ZDHHC21: variants seen among roughly 807,000 people sequenced by gnomAD.
ZDHHC21 encodes the protein palmitoyltransferase ZDHHC21.
ZDHHC21 carries 15 observed loss-of-function variants against 34.6 expected under a neutral mutation model. The observed-to-expected ratio is 0.43, with a 90% CI of 0.29 to 0.67. ZDHHC21 has a LOEUF of 0.67. Among genes scored for constraint, ZDHHC21 ranks in the 30% least tolerant of loss-of-function variants. The pLI, the probability that ZDHHC21 is intolerant of heterozygous loss-of-function variation, is 0.14. For synonymous variants in ZDHHC21, 142 were observed against 101.8 expected (o/e 1.40, Z -2.38); for missense variants, 344 against 327.7 (o/e 1.05, Z -0.38).
At chr9:14,661,955 C>T (rs1162493733) in intron 6 of ZDHHC21, among the ~76,000 whole-genome samples, 3 of 152,146 alleles carry the variant, frequency 2.0e-5, no homozygotes, top group African/African-American at 4.8e-5. Context: ...AATACAACCA[C>T]CTTAATCCTT....
At chr9:14,626,329 T>C (rs1387979567) in intron 8 of ZDHHC21, among the ~76,000 whole-genome samples, 1 of 151,924 alleles carries the variant, frequency 6.6e-6, no homozygotes, top group Non-Finnish European at 1.5e-5. Flanking sequence ...TTTGTGTGGA[T>C]TCAGATCATG....
chr9:14,691,654 C>T (rs1309609227), intron 1 of ZDHHC21, among the ~76,000 whole-genome samples: 2 of 152,138 alleles, frequency 1.3e-5, no homozygotes, highest in Admixed American at 1.3e-4. Flanking sequence ...CTTTAAATGA[C>T]GCTCTATTTC....
chr9:14,668,763 A>G (rs1834942753), intron 5 of ZDHHC21, among the ~76,000 whole-genome samples: 2 of 132,702 alleles, frequency 1.5e-5, no homozygotes, highest in South Asian at 3.0e-4. Context: ...AGGATTCCCT[A>G]TTTAATAAAT....
At chr9:14,640,916 C>T (rs1587034036) in intron 7 of ZDHHC21, among the ~76,000 whole-genome samples, 1 of 152,024 alleles carries the variant, frequency 6.6e-6, no homozygotes, top group Non-Finnish European at 1.5e-5. Flanking sequence ...TACCAACCAA[C>T]CAGACCAGAG....
intron 3 of ZDHHC21, among the ~76,000 whole-genome samples, chr9:14,675,867 A>G (rs952599357): frequency 6.6e-6 from 1 of 151,988 alleles, no homozygotes; most frequent in Non-Finnish European, 1.5e-5. Context: ...AAGTTATCTA[A>G]GCAATGAAAA....
chr9:14,677,960 T>C (rs941448242), intron 3 of ZDHHC21, among the ~76,000 whole-genome samples: 13 of 152,114 alleles, frequency 8.5e-5, no homozygotes, highest in Non-Finnish European at 1.8e-4. Context: ...CCAAGAAATC[T>C]ATCCGAACAC....
At chr9:14,639,487 A>G (rs1828928652) in intron 8 of ZDHHC21, among the ~76,000 whole-genome samples, 2 of 152,068 alleles carry the variant, frequency 1.3e-5, no homozygotes, top group South Asian at 4.1e-4. Flanking sequence ...TTTTAAAGTA[A>G]CTAGCACAGA....
chr9:14,638,277 G>T (rs918279746), intron 8 of ZDHHC21, among the ~76,000 whole-genome samples: 1 of 151,830 alleles, frequency 6.6e-6, no homozygotes, highest in Non-Finnish European at 1.5e-5. Flanking sequence ...AACATACATT[G>T]GGGGAAAAAA....
At chr9:14,664,067 C>T (rs1213140666) in intron 5 of ZDHHC21, among the ~76,000 whole-genome samples, 1 of 152,056 alleles carries the variant, frequency 6.6e-6, no homozygotes, top group Non-Finnish European at 1.5e-5. Flanking sequence ...ACGCAGAAGA[C>T]GGGTGATTTC....
the ZDHHC21 span, among the ~76,000 whole-genome samples, chr9:14,592,107 A>G: frequency 2.0e-5 from 3 of 151,924 alleles, no homozygotes; most frequent in Non-Finnish European, 2.9e-5. Context: ...TGTGTCTTAT[A>G]TATTTTTTTC....
intron 8 of ZDHHC21, 88 bp from the exon 9 acceptor site, chr9:14,619,770 C>A: frequency 1.3e-6 from 1 of 754,156 alleles, no homozygotes; most frequent in South Asian, 2.5e-5. Flanking sequence ...TAATCTTATT[C>A]CAAAAATATT....
intron 9 of ZDHHC21, 52 bp from the exon 10 acceptor site, chr9:14,619,150 A>T (rs1824802160): frequency 6.5e-7 from 1 of 1,547,976 alleles, no homozygotes; most frequent in Non-Finnish European, 8.7e-7. Flanking sequence ...GGTGCACTTC[A>T]GTCAGCTAAA....
At chr9:14,600,866 T>C in the ZDHHC21 span, among the ~76,000 whole-genome samples, 7 of 152,304 alleles carry the variant, frequency 4.6e-5, no homozygotes, top group African/African-American at 1.7e-4. Context: ...AACCATCTGT[T>C]CTTTGACAAA....
chr9:14,650,986 AAAG>A lies in ZDHHC21; in HGVS notation c.504+7760_504+7762del, dbSNP rs1479700107. ...AATTATCAGAATCCACTTCATCTAA[AAAG>A]AAGCTAAAGGACATAATTTTAGAAT... is the stretch of plus-strand genomic sequence containing the variant. On this transcript the variant is annotated intron_variant, in intron 7 of 9. Transcript: ENST00000380916. Among the ~76,000 whole-genome samples the A allele has an allele frequency of 2.0e-5, 3 of 152,080 alleles. No individual in the cohort carries two copies. In the East Asian group the frequency reaches 5.8e-4, roughly 29 times the overall value.
intron 2 of ZDHHC21, among the ~76,000 whole-genome samples, chr9:14,683,381 C>A (rs917760395): frequency 6.6e-6 from 1 of 151,934 alleles, no homozygotes. Context: ...ACCACCAATC[C>A]CACAGAAATA....
chr9:14,590,803 G>C, the ZDHHC21 span, among the ~76,000 whole-genome samples: 1 of 152,038 alleles, frequency 6.6e-6, no homozygotes, highest in Non-Finnish European at 1.5e-5. Flanking sequence ...ATCTACAAAA[G>C]GAACGAAGAG....
chr9:14,690,927 G>A (rs1024549797), intron 1 of ZDHHC21, among the ~76,000 whole-genome samples: 7 of 152,086 alleles, frequency 4.6e-5, no homozygotes, highest in Admixed American at 3.9e-4. Context: ...TAATGCATGT[G>A]AAAAGTTGAA....
intron 5 of ZDHHC21, among the ~76,000 whole-genome samples, chr9:14,663,446 G>A (rs1056105362): frequency 1.4e-5 from 2 of 146,612 alleles, no homozygotes; most frequent in Non-Finnish European, 3.0e-5. Context: ...AAAAGTGAAA[G>A]ATAATAGTAG....
At chr9:14,690,759 T>G (rs1360987212) in intron 1 of ZDHHC21, among the ~76,000 whole-genome samples, 6 of 152,218 alleles carry the variant, frequency 3.9e-5, no homozygotes, top group African/African-American at 1.2e-4. Context: ...TCTATGAAAA[T>G]GTGCTTTTTA....
Sources: gnomAD v4.1 joint callset for allele counts (sites outside exome capture counted in the v4.1 genomes callset) on GRCh38, gnomAD v4.1.1 for gene constraint, MANE v1.5 for transcripts, NCBI Gene and HGNC (gene_info 2026-07-23, HGNC 2026-07-21) for gene names.